Variants in LYPLA1 observed in about 807,000 individuals in gnomAD.
LYPLA1 encodes the protein acyl-protein thioesterase 1.
LYPLA1 carries 17 observed loss-of-function variants against 34.0 expected under a neutral mutation model. The observed-to-expected ratio is 0.50, with a 90% CI of 0.34 to 0.75. The LOEUF (loss-of-function observed/expected upper bound fraction) is 0.75. LYPLA1 is among the 30% of genes least tolerant of loss of function. The pLI is 0.01. For missense variants in LYPLA1, 203 were observed against 288.8 expected, an observed-to-expected ratio of 0.70 and a Z score of 2.15; for synonymous variants, 98 against 100.8, an observed-to-expected ratio of 0.97 and a Z score of 0.17.
intron 3 of LYPLA1, among the ~76,000 whole-genome samples, chr8:54,063,997 A>C (rs1478586575): frequency 6.6e-6 from 1 of 152,264 alleles, no homozygotes; most frequent in Non-Finnish European, 1.5e-5. Context: ...TTCATGAAGT[A>C]AGTCCACCTT....
intron 2 of LYPLA1, among the ~76,000 whole-genome samples, chr8:54,074,699 ACCAAATGGTACAGT>A (rs993071765): frequency 2.0e-5 from 3 of 152,258 alleles, no homozygotes; most frequent in Non-Finnish European, 4.4e-5. Flanking sequence ...TGCCCAACTT[ACCAAATGGTACAGT>A]CCTCATCTTT....
intron 2 of LYPLA1, among the ~76,000 whole-genome samples, chr8:54,087,256 T>C (rs1808867431): frequency 6.6e-6 from 1 of 152,152 alleles, no homozygotes; most frequent in Non-Finnish European, 1.5e-5. Flanking sequence ...AATATAAAAA[T>C]GTAATAAAGT....
intron 2 of LYPLA1, among the ~76,000 whole-genome samples, chr8:54,070,857 A>G (rs1426818549): frequency 6.6e-6 from 1 of 152,264 alleles, no homozygotes; most frequent in African/African-American, 2.4e-5. Context: ...AGCCAGTTAC[A>G]ATAGAACACA....
intron 2 of LYPLA1, among the ~76,000 whole-genome samples, chr8:54,087,345 A>T (rs1197702026): frequency 6.6e-6 from 1 of 152,238 alleles, no homozygotes; most frequent in African/African-American, 2.4e-5. Flanking sequence ...AAGGACTTGA[A>T]AACTGGGCAG....
intron 4 of LYPLA1, among the ~76,000 whole-genome samples, chr8:54,063,018 T>TG (rs1806775135): frequency 6.6e-6 from 1 of 152,132 alleles, no homozygotes; most frequent in Non-Finnish European, 1.5e-5. Context: ...ATTGGAAAGA[T>TG]GAAGAGGCTG....
At position 54,100,955 on chromosome 8, in the gene LYPLA1, A is replaced by G; in HGVS notation, c.70-16T>C. The G allele has an allele frequency of 6.2e-7, 1 of 1,605,086 alleles. No homozygotes were observed. Among genetic ancestry groups the G allele is most frequent in the Non-Finnish European group, 8.5e-7 (1 of 1,171,888 alleles). On this transcript the variant is annotated splice_polypyrimidine_tract_variant and intron_variant, in intron 1 of 8. Coordinates refer to ENST00000316963, the MANE Select transcript of LYPLA1 (RefSeq NM_006330.4). ...GGAAAATCACCTATAAGAGAAGAGG[A>G]AAATTAATAAGCAATGCCTAAATAA...
Position 54,099,885 on chromosome 8 carries a change from T to C in LYPLA1, c.101+1023A>G, listed in dbSNP as rs145507488. On this transcript the variant is annotated intron_variant, in intron 2 of 8. Transcript: ENST00000316963. ...TTTTAGTAGAGATGGGGTTTCACCA[T>C]ATTGGCCAAGCTGGTGTCGAACTCT... Among the ~76,000 whole-genome samples the C allele has an allele frequency of 2.1e-3, 317 of 152,128 alleles. 1 individual carries two copies. The highest frequency in any genetic ancestry group is 7.2e-3 in the African/African-American group (300 of 41,498).
intron 2 of LYPLA1, among the ~76,000 whole-genome samples, chr8:54,081,016 C>T (rs1047008459): frequency 1.3e-5 from 2 of 152,210 alleles, no homozygotes; most frequent in Admixed American, 6.5e-5. Flanking sequence ...ATGTATTAGA[C>T]ATTTGCCAAA....
intron 7 of LYPLA1, among the ~76,000 whole-genome samples, chr8:54,051,779 T>C (rs1805858877): frequency 6.6e-6 from 1 of 151,586 alleles, no homozygotes; most frequent in Non-Finnish European, 1.5e-5. Context: ...CATCTTTATA[T>C]TTTCAGCTTT....
At chr8:54,057,905 A>G (rs1057058222) in intron 5 of LYPLA1, among the ~76,000 whole-genome samples, 1 of 152,236 alleles carries the variant, frequency 6.6e-6, no homozygotes, top group South Asian at 2.1e-4. Context: ...GTATCAAAAC[A>G]TCTCACGTAC....
At chr8:54,084,159 T>TATATATATATATATAA (rs1808532093) in intron 2 of LYPLA1, among the ~76,000 whole-genome samples, 3 of 134,162 alleles carry the variant, frequency 2.2e-5, no homozygotes, top group African/African-American at 9.7e-5. Flanking sequence ...TATATATATA[T>TATATATATATATATAA]ATATAAAATA....
chr8:54,086,870 T>C (rs1043602671), intron 2 of LYPLA1, among the ~76,000 whole-genome samples: 1 of 151,964 alleles, frequency 6.6e-6, no homozygotes, highest in Non-Finnish European at 1.5e-5. Context: ...TCACAGACTA[T>C]CCCATAGGAA....
Position 54,046,857 on chromosome 8 carries a change from C to T in LYPLA1, c.*1208G>A, listed in dbSNP as rs1227905609. On this transcript the variant is annotated 3_prime_UTR_variant, in exon 9 of 9. Transcript: ENST00000316963. ...TTTACCAGTAATCTGGAAATTTTGA[C>T]AATTTAAAATGATTGCTATTTTTAT... is the stretch of plus-strand genomic sequence containing the variant. The T allele has an allele frequency of 1.3e-5, 2 of 152,064 alleles. No homozygotes were observed. Among genetic ancestry groups the T allele is most frequent in the Non-Finnish European group, 2.9e-5 (2 of 67,982 alleles). The allele number at this position is 152,064 out of a possible 1,614,324, so 9.4% of individuals were successfully genotyped here. A position where few individuals can be genotyped will look rare whatever the true frequency, so the allele number is the denominator to read the frequency against.
chr8:54,090,593 C>T (rs1403472276), intron 2 of LYPLA1, among the ~76,000 whole-genome samples: 3 of 152,206 alleles, frequency 2.0e-5, no homozygotes, highest in Non-Finnish European at 4.4e-5. Flanking sequence ...CCTCACTAAA[C>T]TTAGTAATAA....
At chr8:54,050,421 T>G (rs889005649) in intron 8 of LYPLA1, among the ~76,000 whole-genome samples, 3 of 152,202 alleles carry the variant, frequency 2.0e-5, no homozygotes, top group African/African-American at 7.2e-5. Context: ...AGCTTCCTGC[T>G]GCCTAGAGAG....
chr8:54,064,152 C>T (rs946455426), intron 3 of LYPLA1, among the ~76,000 whole-genome samples: 2 of 152,098 alleles, frequency 1.3e-5, no homozygotes, highest in Non-Finnish European at 1.5e-5. Flanking sequence ...GGGTGGGTCA[C>T]GCCTGTAATC....
chr8:54,074,091 T>C (rs540022710), intron 2 of LYPLA1, among the ~76,000 whole-genome samples: 41 of 152,232 alleles, frequency 2.7e-4, no homozygotes, highest in Non-Finnish European at 4.7e-4. Context: ...CTGGCTAACA[T>C]GGTGAAACCC....
Position 54,065,748 on chromosome 8 carries a change from G to A in LYPLA1, c.167C>T (p.Ala56Val). Residue 56 changes from alanine (A) to valine (V), a missense_variant and splice_region_variant, in exon 3 of 9, where the codon GCG becomes GTG. This residue lies in a region of LYPLA1 where 75 missense variants were observed against 73.5 expected (regional missense o/e 1.02). Transcript: ENST00000316963. ...AAGCCTGAAGATCAGAAATACTCAC[G>A]CATGCGGGCAGATATATTTGATATG... The part of the protein sequence containing the change: ...SSHIKYICPH[A>V]PVRPVTLNMN... 4 of 1,612,562 alleles carry A rather than the reference G, an allele frequency of 2.5e-6. No homozygotes were observed. The highest frequency in any genetic ancestry group is 1.7e-4 in the Middle Eastern group (1 of 5,940).
intron 1 of LYPLA1, chr8:54,101,511 C>G (rs1810150643): frequency 2.7e-6 from 3 of 1,131,436 alleles, no homozygotes; most frequent in Middle Eastern, 3.7e-4. Context: ...GCGGGGGTCC[C>G]GGGGCCACAC....
Sources: gnomAD v4.1 joint callset for allele counts (sites outside exome capture counted in the v4.1 genomes callset) on GRCh38, gnomAD v4.1.1 for gene constraint, gnomAD v4.1.1 regional missense constraint, MANE v1.5 for transcripts, NCBI Gene and HGNC (gene_info 2026-07-23, HGNC 2026-07-21) for gene names.